The following WDPCP variants were observed in gnomAD, a reference collection of about 807,000 sequenced individuals.
WDPCP encodes WD repeat-containing and planar cell polarity effector protein fritz homolog.
WDPCP carries 71 observed loss-of-function variants against 93.1 expected under a neutral mutation model. The observed-to-expected ratio is 0.76, with a 90% CI of 0.63 to 0.93. The LOEUF (loss-of-function observed/expected upper bound fraction) is 0.93. Among genes scored for constraint, WDPCP ranks in the 40% least tolerant of loss-of-function variants. The probability of loss-of-function intolerance (pLI) is 0.00; values close to 1 mark genes in which losing one functional copy is unlikely to be tolerated. For synonymous variants in WDPCP, 315 were observed against 315.0 expected (o/e 1.00, Z 0.00); for missense variants, 844 against 887.4 (o/e 0.95, Z 0.62).
chr2:63,617,724 T>C (rs1234373181), intron 3 of WDPCP, among the ~76,000 whole-genome samples: 1 of 152,168 alleles, frequency 6.6e-6, no homozygotes, highest in African/African-American at 2.4e-5. Context: ...CTAATGAAAA[T>C]TTCCTTTATA....
chr2:63,395,485 T>A (rs1454307138), intron 10 of WDPCP, among the ~76,000 whole-genome samples: 1 of 152,192 alleles, frequency 6.6e-6, no homozygotes, highest in Non-Finnish European at 1.5e-5. Flanking sequence ...ATGTGCAGTT[T>A]TTGACTTTGT....
At chr2:63,629,855 G>A (rs1575734133) in intron 3 of WDPCP, among the ~76,000 whole-genome samples, 1 of 152,214 alleles carries the variant, frequency 6.6e-6, no homozygotes, top group Non-Finnish European at 1.5e-5. Context: ...AAGATCTGGA[G>A]TTTCATAATG....
intron 1 of WDPCP, among the ~76,000 whole-genome samples, chr2:63,821,582 A>C (rs759715001): frequency 2.0e-5 from 3 of 152,082 alleles, no homozygotes; most frequent in Non-Finnish European, 4.4e-5. Flanking sequence ...TGACAAGATC[A>C]GATTTGTGTT....
At chr2:63,155,440 A>C (rs1367485983) in intron 15 of WDPCP, among the ~76,000 whole-genome samples, 1 of 152,158 alleles carries the variant, frequency 6.6e-6, no homozygotes, top group East Asian at 1.9e-4. Flanking sequence ...TCAGCTGGGC[A>C]TATTTATATG....
chr2:63,175,329 G>T (rs1337072481), intron 14 of WDPCP, among the ~76,000 whole-genome samples: 1 of 151,960 alleles, frequency 6.6e-6, no homozygotes, highest in African/African-American at 2.4e-5. Flanking sequence ...TGGCAACTTT[G>T]ACAGGGCATT....
chr2:63,564,445 G>A (rs1393983027), intron 1 of WDPCP: 2 of 152,132 alleles, frequency 1.3e-5, no homozygotes, highest in Non-Finnish European at 2.9e-5. Context: ...ATCTAGGCTT[G>A]TTGTGAACTA....
chr2:63,388,808 G>T (rs1237176599), intron 10 of WDPCP, among the ~76,000 whole-genome samples: 1 of 152,128 alleles, frequency 6.6e-6, no homozygotes, highest in Non-Finnish European at 1.5e-5. Context: ...GGTGATTGAA[G>T]ATTAAATTAA....
intron 1 of WDPCP, among the ~76,000 whole-genome samples, chr2:63,519,955 G>C (rs1456364349): frequency 6.6e-6 from 1 of 152,144 alleles, no homozygotes; most frequent in Non-Finnish European, 1.5e-5. Context: ...TCAGGAGAAA[G>C]TCAAAACCCA....
intron 13 of WDPCP, among the ~76,000 whole-genome samples, chr2:63,305,983 T>G (rs1052709210): frequency 1.3e-5 from 2 of 151,952 alleles, no homozygotes; most frequent in Non-Finnish European, 2.9e-5. Context: ...ATTAACAAAA[T>G]ACATAGACTG....
At chr2:63,734,836 G>T (rs946569464) in intron 2 of WDPCP, among the ~76,000 whole-genome samples, 1 of 151,664 alleles carries the variant, frequency 6.6e-6, no homozygotes, top group Non-Finnish European at 1.5e-5. Flanking sequence ...GAAATTTTAA[G>T]TTGCAGAAGG....
intron 2 of WDPCP, among the ~76,000 whole-genome samples, chr2:63,654,745 T>A (rs571865187): frequency 6.6e-6 from 1 of 152,346 alleles, no homozygotes; most frequent in Non-Finnish European, 1.5e-5. Context: ...ATACTTTAAA[T>A]CATCTCTGGA....
chr2:63,245,112 G>T (rs1680169378), intron 14 of WDPCP, among the ~76,000 whole-genome samples: 1 of 152,116 alleles, frequency 6.6e-6, no homozygotes, highest in Non-Finnish European at 1.5e-5. Context: ...AAGGAAGAAA[G>T]ACTTTCCCCC....
At chr2:63,264,787 G>C (rs557865224) in intron 13 of WDPCP, among the ~76,000 whole-genome samples, 68 of 152,270 alleles carry the variant, frequency 4.5e-4, no homozygotes, top group East Asian at 3.9e-4. Context: ...CTTTTCAAGA[G>C]TACATTGAAC....
At chr2:63,248,118 A>ATAAT (rs1680432236) in intron 14 of WDPCP, among the ~76,000 whole-genome samples, 1 of 152,164 alleles carries the variant, frequency 6.6e-6, no homozygotes, top group Non-Finnish European at 1.5e-5. Context: ...AAAGAGCTTT[A>ATAAT]TAATTATTTT....
intron 7 of WDPCP, chr2:63,437,878 A>G: frequency 6.3e-7 from 1 of 1,597,296 alleles, no homozygotes; most frequent in Non-Finnish European, 8.5e-7. Flanking sequence ...GTAGAGACGA[A>G]AACATTCCAT....
chr2:63,443,723 G>A (rs1697653779), intron 6 of WDPCP, among the ~76,000 whole-genome samples: 1 of 152,214 alleles, frequency 6.6e-6, no homozygotes, highest in Non-Finnish European at 1.5e-5. Context: ...TGGTTGAGGT[G>A]AGAGATGATG....
At chr2:63,373,564 C>T (rs1181228071) in intron 12 of WDPCP, among the ~76,000 whole-genome samples, 1 of 147,036 alleles carries the variant, frequency 6.8e-6, no homozygotes, top group African/African-American at 2.5e-5. Flanking sequence ...GCCACCTTCT[C>T]TGTTTTAGAT....
At chr2:63,307,600 A>T (rs1685841234) in intron 13 of WDPCP, among the ~76,000 whole-genome samples, 1 of 152,216 alleles carries the variant, frequency 6.6e-6, no homozygotes, top group Admixed American at 6.5e-5. Flanking sequence ...CAATCATTTG[A>T]TCTTTGACAA....
chr2:63,642,378 A>G (rs1709991078), intron 3 of WDPCP: 1 of 151,584 alleles, frequency 6.6e-6, no homozygotes, highest in African/African-American at 2.4e-5. Flanking sequence ...TAAGGATTGC[A>G]TTGAATTTGT....
Sources: gnomAD v4.1 joint callset for allele counts (sites outside exome capture counted in the v4.1 genomes callset) on GRCh38, gnomAD v4.1.1 for gene constraint, MANE v1.5 for transcripts, NCBI Gene and HGNC (gene_info 2026-07-23, HGNC 2026-07-21) for gene names.